Variants in NOMO1 observed in about 807,000 individuals in gnomAD.
The protein encoded by NOMO1 is NODAL modulator 1, also known as nodal modulator 3.
Under a neutral mutation model 133.8 loss-of-function variants are expected in NOMO1, and 40 were observed. That is an observed-to-expected ratio of 0.30 (90% CI 0.23 to 0.39). The LOEUF is 0.39. Ranked by LOEUF, NOMO1 falls within the 10% of genes least tolerant of loss-of-function variation. The probability of loss-of-function intolerance (pLI) is 1.00; values close to 1 mark genes in which losing one functional copy is unlikely to be tolerated. For missense variants in NOMO1, 462 were observed against 1,419.9 expected (o/e 0.33, Z 10.84); for synonymous variants, 236 against 570.5 (o/e 0.41, Z 8.36).
At chr16:14,879,773 A>T (rs1964215707) in intron 23 of NOMO1, among the ~76,000 whole-genome samples, 1 of 150,046 alleles carries the variant, frequency 6.7e-6, no homozygotes, top group East Asian at 2.0e-4. Context: ...AGAAAAATTA[A>T]ATATGACTTC....
intron 26 of NOMO1, among the ~76,000 whole-genome samples, chr16:14,883,150 T>C (rs1029826731): frequency 1.3e-5 from 2 of 151,946 alleles, no homozygotes; most frequent in African/African-American, 4.8e-5. Context: ...AGTCACAGAA[T>C]GTGGCCTGGG....
In NOMO1 at chr16:14,863,000, C is replaced by G. The variant is rs765052590; in HGVS notation, c.1221-13C>G. The G allele has an allele frequency of 6.2e-7, 1 of 1,609,904 alleles. No individual in the cohort carries two copies. Among genetic ancestry groups the G allele is most frequent in the Admixed American group, 1.7e-5 (1 of 59,650 alleles). ...GAGTCCTCGTGCTGGAATGAATGGT[C>G]TTCTCTTTGCAGGTTCAGTGTCTGT... On this transcript the variant is annotated splice_polypyrimidine_tract_variant and intron_variant, in intron 11 of 30. Coordinates refer to ENST00000287667, the MANE Select transcript of NOMO1 (RefSeq NM_014287.4).
chr16:14,839,131 T>G (rs1009624360), intron 2 of NOMO1, among the ~76,000 whole-genome samples: 1 of 151,626 alleles, frequency 6.6e-6, no homozygotes, highest in Non-Finnish European at 1.5e-5. Flanking sequence ...CTTGCCTCAC[T>G]CCAACCTCCA....
At chr16:14,855,463 C>T (rs2561955) in intron 9 of NOMO1, among the ~76,000 whole-genome samples, 1 of 151,860 alleles carries the variant, frequency 6.6e-6, no homozygotes, top group East Asian at 1.9e-4. Flanking sequence ...ATTTTAATCA[C>T]TTTCTTTTAA....
rs1963570214 is a variant in NOMO1, at chr16:14,839,340, G to A, written c.255+844G>A. Reference sequence around the variant, plus strand: ...CAAAGTGCTGGGATTACAGGTGTGAGCCGATGTTTCCGGCCCTCTTATAAA... The same window carrying A: ...CAAAGTGCTGGGATTACAGGTGTGAACCGATGTTTCCGGCCCTCTTATAAA... On this transcript the variant is annotated intron_variant, in intron 2 of 30. Coordinates refer to ENST00000287667, the MANE Select transcript of NOMO1 (RefSeq NM_014287.4). Among the ~76,000 whole-genome samples the A allele has an allele frequency of 2.0e-5, 3 of 152,108 alleles. No individual in the cohort carries two copies. In the South Asian group the frequency reaches 6.2e-4, roughly 32 times the overall value.
chr16:14,842,955 G>A (rs1481693521), intron 3 of NOMO1, among the ~76,000 whole-genome samples: 1 of 147,918 alleles, frequency 6.8e-6, no homozygotes. Context: ...TTGAGACTGA[G>A]TCTCGCTCTG....
At chr16:14,849,862 C>G (rs1213162817) in intron 6 of NOMO1, among the ~76,000 whole-genome samples, 1 of 145,458 alleles carries the variant, frequency 6.9e-6, no homozygotes, top group African/African-American at 2.5e-5. Flanking sequence ...GGTGGGATTA[C>G]AGGTATAAAC....
intron 15 of NOMO1, among the ~76,000 whole-genome samples, chr16:14,867,799 T>G (rs1181487179): frequency 6.7e-6 from 1 of 148,700 alleles, no homozygotes; most frequent in Non-Finnish European, 1.5e-5. Context: ...TTATAGGAGA[T>G]CGATTAATAT....
At chr16:14,870,757 T>C (rs1176701212) in intron 16 of NOMO1, among the ~76,000 whole-genome samples, 1 of 147,486 alleles carries the variant, frequency 6.8e-6, no homozygotes, top group Non-Finnish European at 1.5e-5. Context: ...ACAATTGATA[T>C]GTTTGTGGCT....
chr16:14,864,924 G>A, intron 13 of NOMO1, 100 bp from the exon 14 acceptor site: 1 of 1,579,710 alleles, frequency 6.3e-7, no homozygotes, highest in Admixed American at 1.7e-5. Context: ...CCTCTTAGGA[G>A]CTCAGCAGTA....
At chr16:14,855,660 G>C (rs1260413595) in intron 9 of NOMO1, among the ~76,000 whole-genome samples, 3 of 152,042 alleles carry the variant, frequency 2.0e-5, no homozygotes, top group Admixed American at 2.0e-4. Flanking sequence ...CTCATAGCTT[G>C]CAGAGAAGGA....
intron 11 of NOMO1, among the ~76,000 whole-genome samples, chr16:14,860,890 C>T (rs1327054257): frequency 1.3e-5 from 2 of 150,996 alleles, no homozygotes; most frequent in African/African-American, 4.9e-5. Context: ...GGTCTTACTC[C>T]GTTGCCCAGG....
At chr16:14,852,804 C>T (rs1963779393) in intron 7 of NOMO1, among the ~76,000 whole-genome samples, 1 of 148,676 alleles carries the variant, frequency 6.7e-6, no homozygotes. Context: ...AGTTTTAGAC[C>T]AGCCTGGCCA....
chr16:14,846,216 A>G (rs985738334), intron 4 of NOMO1, among the ~76,000 whole-genome samples: 5 of 148,104 alleles, frequency 3.4e-5, no homozygotes, highest in African/African-American at 1.3e-4. Flanking sequence ...TAGTAGAGAC[A>G]GGGTTTCACC....
chr16:14,835,929 A>G (rs1963500080), intron 1 of NOMO1, among the ~76,000 whole-genome samples: 1 of 151,962 alleles, frequency 6.6e-6, no homozygotes, highest in Non-Finnish European at 1.5e-5. Flanking sequence ...ATATAGCAGT[A>G]CAGTGAACAG....
chr16:14,874,108 C>A (rs1424771874), intron 18 of NOMO1, among the ~76,000 whole-genome samples: 1 of 133,434 alleles, frequency 7.5e-6, no homozygotes, highest in Non-Finnish European at 1.6e-5. Context: ...CTGGTCTGAC[C>A]CCCCTCTGGG....
intron 6 of NOMO1, among the ~76,000 whole-genome samples, chr16:14,851,084 A>G (rs1597095784): frequency 1.1e-4 from 1 of 9,022 alleles, no homozygotes; most frequent in Non-Finnish European, 6.5e-4. Flanking sequence ...ACTCCATCTC[A>G]AAAAAAAAAA....
intron 30 of NOMO1, among the ~76,000 whole-genome samples, 167 bp downstream of exon 30, chr16:14,895,257 T>C (rs1964472377): frequency 7.0e-6 from 1 of 143,206 alleles, no homozygotes; most frequent in African/African-American, 2.6e-5. Flanking sequence ...CTTTCAAGGC[T>C]GTAAACTTCT....
At chr16:14,885,184 G>A (rs1410591034) in intron 27 of NOMO1, among the ~76,000 whole-genome samples, 60 of 152,176 alleles carry the variant, frequency 3.9e-4, no homozygotes, top group Admixed American at 6.5e-5. Context: ...CCCTACCTCC[G>A]GCACGGGGGA....
Sources: gnomAD v4.1 joint callset for allele counts (sites outside exome capture counted in the v4.1 genomes callset) on GRCh38, gnomAD v4.1.1 for gene constraint, MANE v1.5 for transcripts, NCBI Gene and HGNC (gene_info 2026-07-23, HGNC 2026-07-21) for gene names.